The following OTOF variants were observed in gnomAD, a reference collection of about 807,000 sequenced individuals.
OTOF encodes fer-1-like family member 2.
A neutral mutation model predicts 236.8 loss-of-function variants in OTOF; 218 were observed. That is an observed-to-expected ratio of 0.92 (90% CI 0.82 to 1.03). The LOEUF (loss-of-function observed/expected upper bound fraction) is 1.03, where lower values mean the gene tolerates loss of function less well. Among genes scored for constraint, OTOF ranks in the 50% least tolerant of loss-of-function variants. The probability of loss-of-function intolerance (pLI) is 0.00; values close to 1 mark genes in which losing one functional copy is unlikely to be tolerated. For missense variants in OTOF, 2,590 were observed against 2,694.4 expected (o/e 0.96, Z 0.86); for synonymous variants, 1,041 against 1,072.5 (o/e 0.97, Z 0.57).
Position 26,477,632 on chromosome 2 carries a change from C to A in OTOF, c.2315+17G>T, listed in dbSNP as rs377468423. ...TCCGCCTCATCCTCCCCCCACCTGC[C>A]GCCCCTCCCTTCTCACCAGCAGCCA... On this transcript the variant is annotated intron_variant, in intron 19 of 46. Transcript: ENST00000272371. The surrounding 1 kb of genome is among the most constrained non-coding windows in gnomAD (Gnocchi z 4.7). 1 of 1,612,018 alleles carries A rather than the reference C, an allele frequency of 6.2e-7. No homozygotes were observed. The highest frequency in any genetic ancestry group is 8.5e-7 in the Non-Finnish European group (1 of 1,179,788).
intron 1 of OTOF, among the ~76,000 whole-genome samples, chr2:26,541,798 G>A (rs1243401286): frequency 6.6e-6 from 1 of 152,224 alleles, no homozygotes; most frequent in Non-Finnish European, 1.5e-5. Context: ...AGGGAAAATG[G>A]AGAATAAAGC....
Position 26,482,430 on chromosome 2 carries a change from T to C in OTOF, c.1555A>G (p.Lys519Glu), listed in dbSNP as rs1354612029. Residue 519 changes from lysine to glutamate, a missense_variant, in exon 14 of 47, where the codon AAG becomes GAG. This residue lies in a region of OTOF where 1,379 missense variants were observed against 1,341.6 expected (regional missense o/e 1.03). Coordinates refer to ENST00000272371, the MANE Select transcript of OTOF (RefSeq NM_194248.3). ...CCTTTGTCTCCGTCATTAGAAATCT[T>C]GCGCAGGTCAATGAAGTGGGTGCCG... ...AIGTHFIDLRKISNDGDKGFL... is the reference protein window; with the variant it reads ...AIGTHFIDLREISNDGDKGFL... 6.2e-7 allele frequency: 1 copy of C among 1,613,354 alleles called. No homozygotes were observed. The highest frequency in any genetic ancestry group is 8.5e-7 in the Non-Finnish European group (1 of 1,180,014).
chr2:26,556,471 C>T (rs1174746840), intron 1 of OTOF, among the ~76,000 whole-genome samples: 1 of 152,186 alleles, frequency 6.6e-6, no homozygotes, highest in Non-Finnish European at 1.5e-5. Flanking sequence ...GCCCCCTTCC[C>T]CAGGAGCTCT....
At chr2:26,479,435 G>C in intron 17 of OTOF, 38 bp downstream of exon 17, 1 of 1,606,512 alleles carries the variant, frequency 6.2e-7, no homozygotes, top group African/African-American at 1.3e-5. Context: ...AGGGAGGTGG[G>C]AGGGCCAGGC....
chr2:26,477,047 G>T lies in OTOF; in HGVS notation c.2524-4C>A. 1.9e-6 allele frequency: 3 copies of T among 1,559,790 alleles called. No homozygotes were observed. In the South Asian group the frequency reaches 3.5e-5, roughly 18 times the overall value. On this transcript the variant is annotated splice_polypyrimidine_tract_variant and splice_region_variant and intron_variant, in intron 21 of 46. Coordinates refer to ENST00000272371, the MANE Select transcript of OTOF (RefSeq NM_194248.3). The surrounding 1 kb of genome is among the most constrained non-coding windows in gnomAD (Gnocchi z 4.7). ...TGTCGGGAATGCTGTGCTGGGGCTG[G>T]GGGTTGGGGGGTGGCCAGGGGCAGT...
chr2:26,492,911 G>A (rs1665883845), intron 9 of OTOF, among the ~76,000 whole-genome samples: 1 of 152,184 alleles, frequency 6.6e-6, no homozygotes, highest in African/African-American at 2.4e-5. Flanking sequence ...GAGCAGCTCT[G>A]TGCCCTTGGG....
rs1020995828 is a variant in OTOF, at chr2:26,479,528, C to T, written c.2038G>A (p.Gly680Arg). The T allele has an allele frequency of 6.2e-6, 10 of 1,607,194 alleles. No individual in the cohort carries two copies. Among genetic ancestry groups the T allele is most frequent in the African/African-American group, 2.7e-5 (2 of 74,986 alleles). ...NASDDEAGDA[G>R]DLASVSSTPP... is the part of the protein sequence containing the mutation. ...GTGGAGGAGACTGAGGCCAGGTCCC[C>T]GGCATCACCGGCCTCGTCATCACTT... The change falls in exon 17 of 47, where the codon GGG becomes AGG. Residue 680 changes from glycine (G) to arginine (R), a missense_variant. Gly to Arg is a moderately radical substitution (Grantham distance 125, BLOSUM62 -2). This residue lies in a region of OTOF where 1,379 missense variants were observed against 1,341.6 expected (regional missense o/e 1.03). Transcript: ENST00000272371.
chr2:26,507,712 G>C (rs796292043), intron 5 of OTOF, among the ~76,000 whole-genome samples: 5 of 152,288 alleles, frequency 3.3e-5, no homozygotes, highest in African/African-American at 1.2e-4. Context: ...ATTAAAGCTT[G>C]AGAAGTGAGA....
intron 5 of OTOF, among the ~76,000 whole-genome samples, chr2:26,515,675 C>T (rs554324693): frequency 6.6e-6 from 1 of 152,284 alleles, no homozygotes; most frequent in South Asian, 2.1e-4. Flanking sequence ...CACCCTGGTC[C>T]TTCAGATGCA....
Position 26,503,630 on chromosome 2 carries a change from A to AG in OTOF, c.583+141dup, listed in dbSNP as rs1666174436. Reference sequence around the variant, plus strand: ...CGGCCCTAGGGCGTCTCCTTCCTAGAGGGCCACGCATCACTGGGTGGGGCC... The same window carrying AG: ...CGGCCCTAGGGCGTCTCCTTCCTAGAGGGGCCACGCATCACTGGGTGGGGCC... On this transcript the variant is annotated intron_variant, in intron 6 of 46. Transcript: ENST00000272371. The AG allele has an allele frequency of 6.7e-6, 5 of 741,826 alleles. No homozygotes were observed. The South Asian group carries it at 7.4e-5, about 11-fold the overall frequency. The allele number at this position is 741,826 out of a possible 1,614,324, so 46.0% of individuals were successfully genotyped here. A position where few individuals can be genotyped will look rare whatever the true frequency, so the allele number is the denominator to read the frequency against.
At chr2:26,480,709 C>A in intron 15 of OTOF, 77 bp downstream of exon 15, 1 of 1,262,970 alleles carries the variant, frequency 7.9e-7, no homozygotes, top group Non-Finnish European at 1.1e-6. Flanking sequence ...ACAGGCAAAG[C>A]CTGGGACCCA....
At chr2:26,540,527 C>T (rs1483562352) in intron 1 of OTOF, among the ~76,000 whole-genome samples, 1 of 152,214 alleles carries the variant, frequency 6.6e-6, no homozygotes, top group African/African-American at 2.4e-5. Context: ...CCTCCGGGAA[C>T]TGACCTCTCT....
At chr2:26,526,496 T>C (rs919738889) in intron 3 of OTOF, among the ~76,000 whole-genome samples, 1 of 152,068 alleles carries the variant, frequency 6.6e-6, no homozygotes, top group African/African-American at 2.4e-5. Context: ...GATAGATGGA[T>C]GGATGGATGA....
chr2:26,465,324 G>A (rs1664674277), intron 38 of OTOF, among the ~76,000 whole-genome samples: 1 of 152,186 alleles, frequency 6.6e-6, no homozygotes. Context: ...CTGAAAACCA[G>A]AGAGGTGAAG....
chr2:26,546,724 CATA>C (rs2148131660), intron 1 of OTOF, among the ~76,000 whole-genome samples: 1 of 149,484 alleles, frequency 6.7e-6, no homozygotes, highest in Non-Finnish European at 1.5e-5. Flanking sequence ...AGTCCATAAA[CATA>C]ATCTATTTTC....
chr2:26,465,580 TA>T, intron 38 of OTOF, 91 bp downstream of exon 38: 1 of 1,399,524 alleles, frequency 7.1e-7, no homozygotes, highest in Non-Finnish European at 1.0e-6. Flanking sequence ...CCACAATGTC[TA>T]ACCTCTCAAA....
chr2:26,473,559 G>C lies in OTOF; in HGVS notation c.3417C>G (p.Phe1139Leu). Residue 1139 changes from phenylalanine to leucine, a missense_variant, in exon 28 of 47, where the codon TTC (phenylalanine) becomes TTG (leucine). This residue lies in a region of OTOF where 1,211 missense variants were observed against 1,352.8 expected (regional missense o/e 0.90). Coordinates refer to ENST00000272371, the MANE Select transcript of OTOF (RefSeq NM_194248.3). This position sits in a 1 kb window ranked among gnomAD's most constrained non-coding sequence, Gnocchi z 7.2. ...CCCGCTTTAGGTCCCGTAGGCCCCA[G>C]AACAGCACCTGGGAGAGGTTGGAGG... ...VLSKYRVEVLFWGLRDLKRVN... is the reference protein window; with the variant it reads ...VLSKYRVEVLLWGLRDLKRVN... 1 of 1,606,588 alleles carries C rather than the reference G, an allele frequency of 6.2e-7. No homozygotes were observed. The highest frequency in any genetic ancestry group is 8.5e-7 in the Non-Finnish European group (1 of 1,178,128).
chr2:26,475,837 C>T (rs937373009), intron 24 of OTOF, 77 bp downstream of exon 24: 83 of 1,529,232 alleles, frequency 5.4e-5, no homozygotes, highest in Admixed American at 9.8e-5. Context: ...ACAGGCCCCA[C>T]AGGCTCCAGT....
chr2:26,467,089 C>T lies in OTOF; in HGVS notation c.4362+10G>A, dbSNP rs372260361. Reference sequence around the variant, plus strand: ...GGGTGCTCAGGCTGGGCCCGTGCTCCTGGCCTGACCTTGAAGCGTCCCACA... The same window carrying T: ...GGGTGCTCAGGCTGGGCCCGTGCTCTTGGCCTGACCTTGAAGCGTCCCACA... On this transcript the variant is annotated intron_variant, in intron 35 of 46. Transcript: ENST00000272371. 1.2e-6 allele frequency: 2 copies of T among 1,612,446 alleles called. No individual in the cohort carries two copies. Among genetic ancestry groups the T allele is most frequent in the African/African-American group, 2.7e-5 (2 of 74,994 alleles).
Sources: allele counts gnomAD v4.1 joint callset (sites outside exome capture counted in the v4.1 genomes callset), GRCh38; gene constraint gnomAD v4.1.1; regional missense constraint gnomAD v4.1.1; non-coding constraint Gnocchi (gnomAD v3.1); transcripts MANE v1.5; gene names NCBI Gene and HGNC (gene_info 2026-07-23, HGNC 2026-07-21).